Variants in GRIK4 observed in about 807,000 individuals in gnomAD.
GRIK4 encodes the protein glutamate ionotropic receptor kainate type subunit 4.
GRIK4 carries 40 observed loss-of-function variants against 104.9 expected under a neutral mutation model. The observed-to-expected ratio is 0.38, with a 90% CI of 0.30 to 0.50. GRIK4 has a LOEUF of 0.50. Ranked by LOEUF, GRIK4 falls within the 20% of genes least tolerant of loss-of-function variation. GRIK4 has a pLI of 0.93. For synonymous variants in GRIK4, 485 were observed against 524.9 expected (o/e 0.92, Z 1.04); for missense variants, 1,047 against 1,308.1 (o/e 0.80, Z 3.08).
intron 1 of GRIK4, among the ~76,000 whole-genome samples, chr11:120,529,808 G>C (rs532933460): frequency 6.6e-6 from 1 of 152,330 alleles, no homozygotes; most frequent in East Asian, 1.9e-4. Flanking sequence ...CAACAAAGGT[G>C]CTTTCACATC....
chr11:120,904,353 G>C (rs538776316), intron 12 of GRIK4, among the ~76,000 whole-genome samples: 35 of 152,260 alleles, frequency 2.3e-4, no homozygotes, highest in African/African-American at 7.9e-4. Flanking sequence ...CCAAGGCTCT[G>C]AGGACCCACA....
At chr11:120,875,096 C>T (rs755940796) in intron 10 of GRIK4, 43 bp from the exon 11 acceptor site, 3 of 1,264,072 alleles carry the variant, frequency 2.4e-6, no homozygotes, top group Non-Finnish European at 3.5e-6. Flanking sequence ...GCAAGTGTAA[C>T]CTGGGGCCTG....
chr11:120,882,443 G>A (rs1954993245), intron 11 of GRIK4, among the ~76,000 whole-genome samples: 1 of 152,156 alleles, frequency 6.6e-6, no homozygotes, highest in African/African-American at 2.4e-5. Context: ...ACAGACCTCC[G>A]TGGGCCAGCT....
At chr11:120,653,487 G>A (rs1949650210) in intron 1 of GRIK4, among the ~76,000 whole-genome samples, 198 bp from the exon 2 acceptor site, 1 of 152,188 alleles carries the variant, frequency 6.6e-6, no homozygotes, top group Admixed American at 6.5e-5. Flanking sequence ...GACAGCATGT[G>A]AATAAATGGT....
At chr11:120,843,912 C>T (rs891640923) in intron 8 of GRIK4, among the ~76,000 whole-genome samples, 1 of 152,128 alleles carries the variant, frequency 6.6e-6, no homozygotes, top group Non-Finnish European at 1.5e-5. Context: ...CCCGACAGGT[C>T]CTCAGATTCC....
chr11:120,659,564 G>C (rs759456231), intron 2 of GRIK4, among the ~76,000 whole-genome samples: 4 of 152,188 alleles, frequency 2.6e-5, no homozygotes, highest in Non-Finnish European at 5.9e-5. Flanking sequence ...ACCTTGTGAA[G>C]GCCACACAAC....
chr11:120,516,975 G>T (rs147912365), intron 1 of GRIK4, among the ~76,000 whole-genome samples: 1 of 128,756 alleles, frequency 7.8e-6, no homozygotes, highest in African/African-American at 3.3e-5. Flanking sequence ...CAGGCCTGGG[G>T]CGCGTGCTGC....
Position 120,962,623 on chromosome 11 carries a change from C to T in GRIK4, c.2208C>T (p.Asn736=), listed in dbSNP as rs1408879153. Residue 736 remains asparagine, a synonymous_variant, in exon 18 of 21, where the codon AAC becomes AAT. Coordinates refer to ENST00000527524, the MANE Select transcript of GRIK4 (RefSeq NM_014619.5). ...MNEYYRQRNC[N]LTQIGGLLDT... ...AGTACTATCGGCAGCGAAACTGCAA[C>T]CTCACTCAGATTGGGGGCCTGCTGG... The T allele has an allele frequency of 6.2e-7, 1 of 1,614,110 alleles. No individual in the cohort carries two copies. The highest frequency in any genetic ancestry group is 1.7e-5 in the Admixed American group (1 of 60,018).
At chr11:120,872,519 A>C (rs1180666309) in intron 9 of GRIK4, 2 of 152,242 alleles carry the variant, frequency 1.3e-5, no homozygotes, top group Non-Finnish European at 1.5e-5. Flanking sequence ...CTCATGTGGG[A>C]CCCTCACAAG....
intron 4 of GRIK4, 27 bp from the exon 5 acceptor site, chr11:120,815,351 T>C: frequency 7.2e-7 from 1 of 1,388,616 alleles, no homozygotes; most frequent in Non-Finnish European, 1.0e-6. Context: ...GCTTTGCTTC[T>C]TTCCCTGTCC....
intron 3 of GRIK4, among the ~76,000 whole-genome samples, chr11:120,768,872 G>T (rs898912713): frequency 6.6e-6 from 1 of 152,188 alleles, no homozygotes; most frequent in Non-Finnish European, 1.5e-5. Context: ...AACCAGCCTT[G>T]CATGCCAGGC....
chr11:120,554,512 T>A (rs1948168937), intron 1 of GRIK4, among the ~76,000 whole-genome samples: 1 of 152,138 alleles, frequency 6.6e-6, no homozygotes, highest in Admixed American at 6.5e-5. Flanking sequence ...GAGGTTTGGC[T>A]TCCTTTTCCT....
At chr11:120,935,609 G>T (rs1169610429) in intron 13 of GRIK4, among the ~76,000 whole-genome samples, 1 of 152,210 alleles carries the variant, frequency 6.6e-6, no homozygotes, top group Non-Finnish European at 1.5e-5. Flanking sequence ...CACTCAGAAT[G>T]TCAACCAAAC....
At position 120,540,481 on chromosome 11, in the gene GRIK4, G is replaced by C. The variant is rs1185010764; in HGVS notation, c.-159+28594G>C. Among the ~76,000 whole-genome samples the C allele has an allele frequency of 7.6e-4, 115 of 152,234 alleles. 1 individual carries two copies. Among genetic ancestry groups the C allele is most frequent in the Non-Finnish European group, 7.4e-5 (5 of 68,026 alleles). On this transcript the variant is annotated intron_variant, in intron 1 of 20. Coordinates refer to ENST00000527524, the MANE Select transcript of GRIK4 (RefSeq NM_014619.5). ...ACTACAAAATTAGCCGGGCATGGTG[G>C]TGCGCACCTGTAATCCCAGCTACTT... is the stretch of plus-strand genomic sequence containing the variant.
At chr11:120,984,391 A>C (rs1400569569) in intron 20 of GRIK4, among the ~76,000 whole-genome samples, 1 of 152,198 alleles carries the variant, frequency 6.6e-6, no homozygotes, top group Non-Finnish European at 1.5e-5. Flanking sequence ...GCTATTAGTC[A>C]ATTTTTGGCA....
intron 3 of GRIK4, among the ~76,000 whole-genome samples, chr11:120,722,622 A>C (rs1049117484): frequency 1.2e-4 from 18 of 152,128 alleles, no homozygotes; most frequent in Non-Finnish European, 2.1e-4. Flanking sequence ...CAAAAAAAAA[A>C]AAAAGATTTT....
intron 3 of GRIK4, among the ~76,000 whole-genome samples, chr11:120,787,428 TTTTATTTTATTTTATTTTATTTTA>T (rs886089080): frequency 3.3e-5 from 5 of 149,906 alleles, no homozygotes; most frequent in Non-Finnish European, 5.9e-5. Flanking sequence ...TTTGATGTTA[TTTTATTTTATTTTATTTTATTTTA>T]TTTATTTTAT....
intron 4 of GRIK4, among the ~76,000 whole-genome samples, chr11:120,811,160 G>T (rs1952821197): frequency 6.6e-6 from 1 of 152,196 alleles, no homozygotes. Context: ...AGAAGGGGCT[G>T]CAAAGACAGG....
In GRIK4 at chr11:120,580,669, A is replaced by G. The variant is rs189999045; in HGVS notation, c.-159+68782A>G. ...CTGCAACCTCTGCCTCCTAGGGTGT[A>G]GCGATCCTACTGCCTCAGCCTCCCC... On this transcript the variant is annotated intron_variant, in intron 1 of 20. Transcript: ENST00000527524. 2.0e-5 allele frequency among the ~76,000 whole-genome samples: 3 copies of G among 152,038 alleles called. No individual in the cohort carries two copies. In the East Asian group the frequency reaches 5.8e-4, roughly 29 times the overall value.
Sources: gnomAD v4.1 joint callset for allele counts (sites outside exome capture counted in the v4.1 genomes callset) on GRCh38, gnomAD v4.1.1 for gene constraint, MANE v1.5 for transcripts, NCBI Gene and HGNC (gene_info 2026-07-23, HGNC 2026-07-21) for gene names.